ACOXL: variants seen among roughly 807,000 people sequenced by gnomAD.
The protein encoded by ACOXL is acyl-coenzyme A oxidase-like protein.
Under a neutral mutation model 71.9 loss-of-function variants are expected in ACOXL, and 70 were observed. That is an observed-to-expected ratio of 0.97 (90% confidence interval 0.80 to 1.19). The LOEUF is 1.19. Among genes scored for constraint, ACOXL ranks in the 50% most tolerant of loss-of-function variants. The pLI is 0.00. For missense variants in ACOXL, 703 were observed against 736.3 expected (o/e 0.95, Z 0.52); for synonymous variants, 253 against 281.6 (o/e 0.90, Z 1.02).
intron 11 of ACOXL, among the ~76,000 whole-genome samples, chr2:110,917,074 T>A (rs186421368): frequency 6.6e-6 from 1 of 152,192 alleles, no homozygotes; most frequent in Non-Finnish European, 1.5e-5. Flanking sequence ...AGCATCATCC[T>A]GATACCAAAA....
intron 9 of ACOXL, among the ~76,000 whole-genome samples, chr2:110,816,504 T>A (rs759763718): frequency 6.6e-5 from 10 of 152,220 alleles, no homozygotes; most frequent in Non-Finnish European, 1.0e-4. Context: ...CCCCAGGGTA[T>A]TTTCAGCTGA....
intron 1 of ACOXL, among the ~76,000 whole-genome samples, chr2:110,737,592 A>G (rs953761959): frequency 6.6e-6 from 1 of 152,188 alleles, no homozygotes; most frequent in Non-Finnish European, 1.5e-5. Flanking sequence ...CTATAAGCCC[A>G]TCACTCACTG....
chr2:110,980,512 C>A (rs1039903643), intron 12 of ACOXL, among the ~76,000 whole-genome samples: 4 of 152,180 alleles, frequency 2.6e-5, no homozygotes, highest in African/African-American at 9.7e-5. Flanking sequence ...CAGCAAAGCA[C>A]CCCAAACTTC....
intron 5 of ACOXL, among the ~76,000 whole-genome samples, chr2:110,797,314 C>A (rs1342305364): frequency 1.3e-5 from 2 of 152,282 alleles, no homozygotes; most frequent in Admixed American, 1.3e-4. Flanking sequence ...TATTCAGAGA[C>A]AAACTGCATG....
chr2:111,080,562 A>T (rs2067851170), intron 16 of ACOXL, among the ~76,000 whole-genome samples: 1 of 152,214 alleles, frequency 6.6e-6, no homozygotes, highest in Admixed American at 6.5e-5. Flanking sequence ...CCAGGACAAG[A>T]TGGATTCACA....
chr2:110,980,879 G>A (rs2062678661), intron 12 of ACOXL, among the ~76,000 whole-genome samples: 1 of 152,196 alleles, frequency 6.6e-6, no homozygotes, highest in South Asian at 2.1e-4. Context: ...TGTCAAGTGT[G>A]AGTGCGCAGC....
chr2:111,031,833 G>A, intron 15 of ACOXL, 119 bp downstream of exon 15: 1 of 1,011,792 alleles, frequency 9.9e-7, no homozygotes, highest in Non-Finnish European at 1.5e-6. Context: ...CAGTCCGTGT[G>A]TTGAATTTAG....
chr2:110,736,372 C>T (rs1261705591), intron 1 of ACOXL, among the ~76,000 whole-genome samples: 1 of 152,192 alleles, frequency 6.6e-6, no homozygotes, highest in African/African-American at 2.4e-5. Flanking sequence ...ACCTGTTAGA[C>T]ACTAACTCCC....
chr2:111,101,515 G>A (rs537456912), intron 17 of ACOXL, among the ~76,000 whole-genome samples: 8 of 152,190 alleles, frequency 5.3e-5, no homozygotes, highest in South Asian at 2.1e-4. Flanking sequence ...ACATTCAGAC[G>A]CTAGAATTGA....
rs1198667904 is a variant in ACOXL at position 110,915,348 on chromosome 2, ATATG to A, written c.905+6445_905+6448del. Among the ~76,000 whole-genome samples, 341 of 127,092 alleles carry A rather than the reference ATATG, an allele frequency of 2.7e-3. 2 individuals are homozygous for A. Among genetic ancestry groups the A allele is most frequent in the East Asian group, 0.021 (87 of 4,194 alleles). The allele number at this position is 127,092 out of a possible 152,430, so 83.4% of individuals were successfully genotyped here. ...TGTTATATGCATTTTATATATATATATATGTGTGTGTGTGTGTGTGTGTGTGTGT... is the reference window on the plus strand; with the variant it reads ...TGTTATATGCATTTTATATATATATATGTGTGTGTGTGTGTGTGTGTGTGT... On this transcript the variant is annotated intron_variant, in intron 11 of 17. Transcript: ENST00000439055.
intron 10 of ACOXL, among the ~76,000 whole-genome samples, chr2:110,863,335 A>G (rs765307962): frequency 6.6e-6 from 1 of 152,256 alleles, no homozygotes; most frequent in Admixed American, 6.5e-5. Context: ...AAAAAGCTCC[A>G]CATCAGGTTG....
At chr2:110,760,665 G>A (rs1270407932) in intron 1 of ACOXL, among the ~76,000 whole-genome samples, 1 of 152,184 alleles carries the variant, frequency 6.6e-6, no homozygotes, top group Non-Finnish European at 1.5e-5. Flanking sequence ...GATGGCCATG[G>A]CCAAGACAAG....
chr2:110,840,709 C>T (rs770542534), intron 9 of ACOXL, among the ~76,000 whole-genome samples: 1 of 152,204 alleles, frequency 6.6e-6, no homozygotes, highest in Admixed American at 6.5e-5. Context: ...GAAATCACAG[C>T]TTCACCTCAA....
At chr2:110,940,661 A>G (rs1220025076) in intron 12 of ACOXL, among the ~76,000 whole-genome samples, 1 of 152,200 alleles carries the variant, frequency 6.6e-6, no homozygotes, top group African/African-American at 2.4e-5. Context: ...TCCTCTGTGG[A>G]AACCTTTGGA....
rs529276020 is a variant in ACOXL, at chr2:110,995,609, G to A, written c.1170-284G>A. On this transcript the variant is annotated intron_variant, in intron 13 of 17. Coordinates refer to ENST00000439055, the MANE Select transcript of ACOXL (RefSeq NM_001142807.4). ...ATTGCTGTTAACTAAGAAAGACTATGTAAAATATTGAACACTACTTATAAT... is the reference window on the plus strand; with the variant it reads ...ATTGCTGTTAACTAAGAAAGACTATATAAAATATTGAACACTACTTATAAT... 2.1e-4 allele frequency among the ~76,000 whole-genome samples: 31 copies of A among 149,430 alleles called. No homozygotes were observed. The East Asian group carries it at 5.6e-3, about 27-fold the overall frequency.
chr2:110,793,805 T>C, intron 4 of ACOXL, 69 bp downstream of exon 4: 1 of 1,177,840 alleles, frequency 8.5e-7, no homozygotes, highest in Non-Finnish European at 1.2e-6. Context: ...TAGATATGCA[T>C]GTGTGTATGT....
chr2:110,906,981 T>C (rs1178186413), intron 10 of ACOXL, among the ~76,000 whole-genome samples: 2 of 152,180 alleles, frequency 1.3e-5, no homozygotes, highest in African/African-American at 4.8e-5. Context: ...CATGTAAAAA[T>C]GGAAGTTAAG....
intron 16 of ACOXL, among the ~76,000 whole-genome samples, chr2:111,060,129 G>C (rs1463256898): frequency 2.0e-5 from 3 of 152,118 alleles, no homozygotes; most frequent in Admixed American, 6.5e-5. Context: ...TAGGGAGCTG[G>C]GGTTTTCATC....
intron 10 of ACOXL, among the ~76,000 whole-genome samples, chr2:110,864,416 C>T (rs981335434): frequency 2.6e-5 from 4 of 152,152 alleles, no homozygotes; most frequent in Admixed American, 6.5e-5. Flanking sequence ...CACAGAAACC[C>T]GAAGCCATTT....
Sources: allele counts gnomAD v4.1 joint callset (sites outside exome capture counted in the v4.1 genomes callset), GRCh38; gene constraint gnomAD v4.1.1; transcripts MANE v1.5; gene names NCBI Gene and HGNC (gene_info 2026-07-23, HGNC 2026-07-21).